The following PAQR5 variants were observed in gnomAD, a reference collection of about 807,000 sequenced individuals.
PAQR5 encodes progestin and adipoQ receptor family member 5, also known as membrane progestin receptor gamma.
A neutral mutation model predicts 34.5 loss-of-function variants in PAQR5; 20 were observed. The ratio of observed to expected loss-of-function variants is 0.58; its 90% CI spans 0.41 to 0.84. The LOEUF (loss-of-function observed/expected upper bound fraction) is 0.84, where lower values mean the gene tolerates loss of function less well. PAQR5 is among the 40% of genes least tolerant of loss of function. The pLI, the probability that PAQR5 is intolerant of heterozygous loss-of-function variation, is 0.00. For missense variants in PAQR5, 378 were observed against 412.7 expected (o/e 0.92, Z 0.73); for synonymous variants, 131 against 155.6 (o/e 0.84, Z 1.18).
intron 1 of PAQR5, among the ~76,000 whole-genome samples, chr15:69,313,292 C>T (rs372227355): frequency 7.2e-5 from 11 of 152,268 alleles, no homozygotes; most frequent in African/African-American, 2.6e-4. Flanking sequence ...TGAGCTGAAG[C>T]GTTTGAGACC....
chr15:69,325,765 G>A (rs1013737784), intron 1 of PAQR5, among the ~76,000 whole-genome samples: 1 of 152,022 alleles, frequency 6.6e-6, no homozygotes, highest in African/African-American at 2.4e-5. Context: ...CCCCAAACAC[G>A]TGACCCCTCC....
chr15:69,348,499 G>A (rs892131928), intron 2 of PAQR5, among the ~76,000 whole-genome samples: 45 of 152,304 alleles, frequency 3.0e-4, no homozygotes, highest in Admixed American at 2.9e-3. Flanking sequence ...AGATGAGACA[G>A]GCAGGCGAGG....
At chr15:69,379,457 G>C (rs912823021) in intron 3 of PAQR5, 1 of 985,440 alleles carries the variant, frequency 1.0e-6, no homozygotes, top group Non-Finnish European at 1.2e-6. Context: ...ATCTTCTGCA[G>C]AGTTCTTCCC....
chr15:69,300,887 T>C (rs1381471713), intron 1 of PAQR5, among the ~76,000 whole-genome samples: 1 of 33,992 alleles, frequency 2.9e-5, no homozygotes, highest in African/African-American at 7.6e-5. Context: ...CTTTCTTTCT[T>C]TCTTTCTTCC....
At chr15:69,358,411 T>G (rs2140833883) in intron 2 of PAQR5, among the ~76,000 whole-genome samples, 1 of 152,270 alleles carries the variant, frequency 6.6e-6, no homozygotes, top group East Asian at 1.9e-4. Flanking sequence ...CTTCTCTTGC[T>G]GTGATCTGAG....
chr15:69,343,301 CTG>C (rs2054686802), intron 2 of PAQR5, among the ~76,000 whole-genome samples: 1 of 152,224 alleles, frequency 6.6e-6, no homozygotes, highest in African/African-American at 2.4e-5. Flanking sequence ...TTCAGGGTCA[CTG>C]TGTTCCTTTA....
chr15:69,341,034 G>A (rs2054626865), intron 2 of PAQR5, among the ~76,000 whole-genome samples: 1 of 152,008 alleles, frequency 6.6e-6, no homozygotes, highest in Non-Finnish European at 1.5e-5. Context: ...AATTTATCAT[G>A]CTAAGCACTT....
intron 1 of PAQR5, among the ~76,000 whole-genome samples, chr15:69,329,709 T>C (rs1381356765): frequency 1.3e-5 from 2 of 152,074 alleles, no homozygotes; most frequent in Non-Finnish European, 2.9e-5. Context: ...GGTCTTGAAC[T>C]CCTGAGCTCA....
chr15:69,357,674 T>A (rs1490610404), intron 2 of PAQR5, among the ~76,000 whole-genome samples: 2 of 152,242 alleles, frequency 1.3e-5, no homozygotes, highest in East Asian at 3.8e-4. Flanking sequence ...TTGTGAATAA[T>A]GCTTCTATTA....
chr15:69,307,851 G>A (rs1346249186), intron 1 of PAQR5, among the ~76,000 whole-genome samples: 1 of 152,196 alleles, frequency 6.6e-6, no homozygotes, highest in Non-Finnish European at 1.5e-5. Flanking sequence ...GCACAAGGGT[G>A]CCCAGGATTC....
At chr15:69,336,994 G>A (rs1395305775) in intron 1 of PAQR5, among the ~76,000 whole-genome samples, 2 of 152,214 alleles carry the variant, frequency 1.3e-5, no homozygotes, top group Non-Finnish European at 2.9e-5. Flanking sequence ...TTTTCAAAAG[G>A]CAATTTATAA....
intron 6 of PAQR5, among the ~76,000 whole-genome samples, chr15:69,394,082 G>A (rs57292549): frequency 0.099 from 15,003 of 151,704 alleles, 1,465 homozygotes; most frequent in African/African-American, 0.25. Context: ...TCTCCTTCCA[G>A]TGCATCCAAC....
chr15:69,310,282 T>C (rs893607621), intron 1 of PAQR5, among the ~76,000 whole-genome samples: 20 of 152,174 alleles, frequency 1.3e-4, no homozygotes, highest in Non-Finnish European at 2.2e-4. Flanking sequence ...GAATTGGTGG[T>C]TCATGGGTAT....
intron 7 of PAQR5, among the ~76,000 whole-genome samples, chr15:69,398,518 C>G (rs917297239): frequency 3.9e-5 from 6 of 152,192 alleles, no homozygotes; most frequent in Non-Finnish European, 8.8e-5. Flanking sequence ...GAGTGAAGCT[C>G]CCTCCTAGAG....
intron 3 of PAQR5, chr15:69,379,342 G>C: frequency 1.2e-6 from 1 of 802,784 alleles, no homozygotes; most frequent in Non-Finnish European, 1.5e-6. Flanking sequence ...GCCGTGCTGT[G>C]GGCAGCCACC....
At chr15:69,304,066 G>T (rs180892192) in intron 1 of PAQR5, among the ~76,000 whole-genome samples, 19 of 152,340 alleles carry the variant, frequency 1.2e-4, no homozygotes, top group African/African-American at 4.6e-4. Flanking sequence ...AGACAGGCAG[G>T]TGAGGGAGCA....
At chr15:69,316,634 G>T (rs1451577131) in intron 1 of PAQR5, among the ~76,000 whole-genome samples, 3 of 152,138 alleles carry the variant, frequency 2.0e-5, no homozygotes, top group Non-Finnish European at 4.4e-5. Context: ...GCATGTCCCT[G>T]GTCATAAGTT....
At chr15:69,388,909 A>G (rs2056182797) in intron 5 of PAQR5, among the ~76,000 whole-genome samples, 2 of 152,246 alleles carry the variant, frequency 1.3e-5, no homozygotes, top group South Asian at 4.1e-4. Flanking sequence ...GTGCAGGTCC[A>G]GGCCCATCTC....
At chr15:69,377,877 C>A (rs576119432) in intron 3 of PAQR5, among the ~76,000 whole-genome samples, 13 of 152,154 alleles carry the variant, frequency 8.5e-5, no homozygotes, top group African/African-American at 3.1e-4. Flanking sequence ...CCTCTAATCC[C>A]GGCACTTTAG....
Sources: allele counts gnomAD v4.1 joint callset (sites outside exome capture counted in the v4.1 genomes callset), GRCh38; gene constraint gnomAD v4.1.1; transcripts MANE v1.5; gene names NCBI Gene and HGNC (gene_info 2026-07-23, HGNC 2026-07-21).